The following RNASET2 variants were observed in gnomAD, a reference collection of about 807,000 sequenced individuals.
The protein encoded by RNASET2 is ribonuclease 6.
In RNASET2, 28 loss-of-function variants were observed where a neutral mutation model predicts 33.9. The ratio of observed to expected loss-of-function variants is 0.83; its 90% CI spans 0.61 to 1.13. The LOEUF (loss-of-function observed/expected upper bound fraction) is 1.13. Ranked by LOEUF, RNASET2 falls within the 50% of genes most tolerant of loss-of-function variation. The pLI, the probability that RNASET2 is intolerant of heterozygous loss-of-function variation, is 0.00. For missense variants in RNASET2, 330 were observed against 319.9 expected, an observed-to-expected ratio of 1.03 and a Z score of -0.24; for synonymous variants, 123 against 121.0, an observed-to-expected ratio of 1.02 and a Z score of -0.11.
intron 2 of RNASET2, among the ~76,000 whole-genome samples, chr6:166,950,515 T>C (rs1156453085): frequency 1.3e-5 from 2 of 152,256 alleles, no homozygotes; most frequent in Admixed American, 6.5e-5. Context: ...TACCACTCAG[T>C]GCTAGAGGCA....
At chr6:166,948,777 T>C (rs1778909209) in intron 2 of RNASET2, 152 bp from the exon 3 acceptor site, 1 of 667,922 alleles carries the variant, frequency 1.5e-6, no homozygotes, top group Non-Finnish European at 2.7e-6. Flanking sequence ...CCAGGGCTAC[T>C]TCACAATACA....
chr6:166,955,300 GCA>G (rs1215426195), intron 1 of RNASET2, among the ~76,000 whole-genome samples: 3 of 53,180 alleles, frequency 5.6e-5, no homozygotes, highest in Non-Finnish European at 9.6e-5. Flanking sequence ...GCACAGACGC[GCA>G]CACACGACAC....
chr6:166,952,085 G>A (rs6928890), intron 2 of RNASET2, among the ~76,000 whole-genome samples: 2 of 152,204 alleles, frequency 1.3e-5, no homozygotes, highest in African/African-American at 4.8e-5. Context: ...AGAACACACC[G>A]TGAAGGAGAA....
rs1262797137 is a variant in RNASET2, at chr6:166,955,209, GCA to G, written c.86+886_86+887del. ...CACACGCACACACGCACGCACACAC[GCA>G]CGCACACACGCGCACACACGCACGC... On this transcript the variant is annotated intron_variant, in intron 1 of 8. Coordinates refer to ENST00000508775, the MANE Select transcript of RNASET2 (RefSeq NM_003730.6). 3.5e-3 allele frequency among the ~76,000 whole-genome samples: 276 copies of G among 77,874 alleles called. 2 individuals are homozygous for G. The highest frequency in any genetic ancestry group is 4.4e-3 in the Non-Finnish European group (183 of 41,688). 51.1% of individuals were successfully genotyped at this position (77,874 alleles called of 152,430 possible). A position where few individuals can be genotyped will look rare whatever the true frequency, so the allele number is the denominator to read the frequency against.
chr6:166,938,440 A>T (rs1778617966), intron 6 of RNASET2: 1 of 463,748 alleles, frequency 2.2e-6, no homozygotes, highest in African/African-American at 2.0e-5. Flanking sequence ...GGTTGGGGTC[A>T]TTTCTGGGGC....
intron 2 of RNASET2, among the ~76,000 whole-genome samples, chr6:166,949,974 A>G (rs1327920177): frequency 6.6e-6 from 1 of 152,258 alleles, no homozygotes; most frequent in South Asian, 2.1e-4. Flanking sequence ...ATGGCTGCCC[A>G]GTAGGAAATA....
Position 166,946,726 on chromosome 6 carries a change from CA to C in RNASET2, c.216del (p.Ser72ArgfsTer12). On this transcript the variant is annotated frameshift_variant, in exon 4 of 9. Coordinates refer to ENST00000508775, the MANE Select transcript of RNASET2 (RefSeq NM_003730.6). LOFTEE classifies it high-confidence loss of function. ...WTIHGLWPDK[S>X]EGCNRSWPFN... ...AAGGGCCACGATCTATTACATCCTT[CA>C]CTTTTATCGGGCCTGGAAATTCAAA... The C allele has an allele frequency of 6.4e-7, 1 of 1,567,330 alleles. No individual in the cohort carries two copies. Among genetic ancestry groups the C allele is most frequent in the Non-Finnish European group, 8.7e-7 (1 of 1,148,168 alleles).
Position 166,922,206 on chromosome 6 carries a change from G to C in RNASET2, c.*7382C>G, listed in dbSNP as rs1175797724. Among the ~76,000 whole-genome samples, 1 of 152,082 alleles carries C rather than the reference G, an allele frequency of 6.6e-6. No individual in the cohort carries two copies. Among genetic ancestry groups the C allele is most frequent in the Non-Finnish European group, 1.5e-5 (1 of 68,030 alleles). ...TGATCATGTTTACATGTTTATGTTGGGGACATTATTATAAATGTGAAAGAA... is the reference window on the plus strand; with the variant it reads ...TGATCATGTTTACATGTTTATGTTGCGGACATTATTATAAATGTGAAAGAA... On this transcript the variant is annotated 3_prime_UTR_variant, in exon 9 of 9. Coordinates refer to ENST00000508775, the MANE Select transcript of RNASET2 (RefSeq NM_003730.6).
chr6:166,935,882 C>T (rs1289675049), intron 6 of RNASET2, among the ~76,000 whole-genome samples: 7 of 152,220 alleles, frequency 4.6e-5, no homozygotes, highest in Admixed American at 1.3e-4. Flanking sequence ...ACCATGTTGG[C>T]CAGGCTGTTC....
intron 4 of RNASET2, chr6:166,943,381 G>A (rs566536637): frequency 2.5e-5 from 9 of 366,878 alleles, no homozygotes; most frequent in South Asian, 1.1e-4. Flanking sequence ...CCAATGAGCC[G>A]TCGAGTCATG....
rs1536642 is a variant in RNASET2 at position 166,922,189 on chromosome 6, T to A, written c.*7399A>T. ...CTGCTAAGCATATATGTTGATCATGTTTACATGTTTATGTTGGGGACATTA... is the reference window on the plus strand; with the variant it reads ...CTGCTAAGCATATATGTTGATCATGATTACATGTTTATGTTGGGGACATTA... On this transcript the variant is annotated 3_prime_UTR_variant, in exon 9 of 9. Transcript: ENST00000508775. 0.71 allele frequency among the ~76,000 whole-genome samples: 108,259 copies of A among 152,150 alleles called. 42,128 individuals carry two copies. The highest frequency in any genetic ancestry group is 0.9 in the East Asian group (4,674 of 5,188).
In RNASET2 at chr6:166,955,183, A is replaced by ACACACACACACACGCACACGCACG. The variant is rs1554269946; in HGVS notation, c.86+913_86+914insCGTGCGTGTGCGTGTGTGTGTGTG. Among the ~76,000 whole-genome samples, 2 of 125,006 alleles carry ACACACACACACACGCACACGCACG rather than the reference A, an allele frequency of 1.6e-5. 1 individual carries two copies. The highest frequency in any genetic ancestry group is 7.5e-5 in the African/African-American group (2 of 26,762). The allele number at this position is 125,006 out of a possible 152,430, so 82.0% of individuals were successfully genotyped here. ...ATTAATTTGGGCGGCTGCCACACAC[A>ACACACACACACACGCACACGCACG]CACACGCACACACGCACGCACACAC... On this transcript the variant is annotated intron_variant, in intron 1 of 8. Coordinates refer to ENST00000508775, the MANE Select transcript of RNASET2 (RefSeq NM_003730.6).
intron 4 of RNASET2, among the ~76,000 whole-genome samples, chr6:166,944,598 G>T (rs796493825): frequency 3.9e-5 from 6 of 152,076 alleles, no homozygotes; most frequent in African/African-American, 1.2e-4. Flanking sequence ...CAATGCAAAG[G>T]TGTTCCTACT....
rs1175802992 is a variant in RNASET2, at chr6:166,927,030, G to A, written c.*2558C>T. On this transcript the variant is annotated 3_prime_UTR_variant, in exon 9 of 9. Transcript: ENST00000508775. ...CTCCTCCTTCCACACATACGAGCCTGAGACCCCGCTCACATGGGAGGCATT... is the reference window on the plus strand; with the variant it reads ...CTCCTCCTTCCACACATACGAGCCTAAGACCCCGCTCACATGGGAGGCATT... 6.6e-6 allele frequency among the ~76,000 whole-genome samples: 1 copy of A among 152,184 alleles called. No homozygotes were observed. The highest frequency in any genetic ancestry group is 1.5e-5 in the Non-Finnish European group (1 of 68,024).
In RNASET2 at chr6:166,927,693, CCT is replaced by C. The variant is rs1778328116; in HGVS notation, c.*1893_*1894del. Among the ~76,000 whole-genome samples, 1 of 137,940 alleles carries C rather than the reference CCT, an allele frequency of 7.2e-6. No homozygotes were observed. The highest frequency in any genetic ancestry group is 1.5e-5 in the Non-Finnish European group (1 of 66,000). 90.5% of individuals were successfully genotyped at this position (137,940 alleles called of 152,430 possible). A position where few individuals can be genotyped will look rare whatever the true frequency, so the allele number is the denominator to read the frequency against. On this transcript the variant is annotated 3_prime_UTR_variant, in exon 9 of 9. Coordinates refer to ENST00000508775, the MANE Select transcript of RNASET2 (RefSeq NM_003730.6). The stretch of plus-strand genomic sequence containing the variant: ...TGAAGATAAAACCCAAGCCTTGATC[CCT>C]GTGTTCGCAAAATGACTCAAAAAAA...
At position 166,926,465 on chromosome 6, in the gene RNASET2, CAG is replaced by C. The variant is rs1259719702; in HGVS notation, c.*3121_*3122del. On this transcript the variant is annotated 3_prime_UTR_variant, in exon 9 of 9. Coordinates refer to ENST00000508775, the MANE Select transcript of RNASET2 (RefSeq NM_003730.6). ...AGAAGAATTGCTTGAACCCAGGAGA[CAG>C]AGGTTGCAGTGAGCCGAGATCGCAC... Among the ~76,000 whole-genome samples the C allele has an allele frequency of 6.8e-6, 1 of 146,996 alleles. No homozygotes were observed. The highest frequency in any genetic ancestry group is 2.5e-5 in the African/African-American group (1 of 39,936).
At position 166,943,060 on chromosome 6, in the gene RNASET2, C is replaced by T. The variant is rs367656044; in HGVS notation, c.291G>A (p.Trp97Ter). The T allele has an allele frequency of 2.8e-5, 45 of 1,613,394 alleles. No individual in the cohort carries two copies. Among genetic ancestry groups the T allele is most frequent in the Non-Finnish European group, 3.7e-5 (44 of 1,179,732 alleles). Residue 97 changes from tryptophan (W) to a stop codon, truncating the protein, a stop_gained, in exon 5 of 9, where the codon TGG (tryptophan) becomes TGA (stop). Transcript: ENST00000508775. LOFTEE classifies it high-confidence loss of function. ...TGGGAAACGAGTGAATTACGTCAGGCCAGTATGCCCTCATTTCTGGCAAAA... is the reference window on the plus strand; with the variant it reads ...TGGGAAACGAGTGAATTACGTCAGGTCAGTATGCCCTCATTTCTGGCAAAA... ...KDLLPEMRAY[W>*]PDVIHSFPNR...
At chr6:166,951,136 T>C (rs926913051) in intron 2 of RNASET2, among the ~76,000 whole-genome samples, 8 of 152,200 alleles carry the variant, frequency 5.3e-5, no homozygotes, top group Admixed American at 4.6e-4. Context: ...ACGTGTCCAC[T>C]GGACAGAGGG....
intron 3 of RNASET2, among the ~76,000 whole-genome samples, chr6:166,947,161 C>A (rs1027498704): frequency 6.6e-6 from 1 of 152,102 alleles, no homozygotes; most frequent in East Asian, 1.9e-4. Context: ...CAGCGAGAGT[C>A]TGTTCCTTTC....
Sources: allele counts gnomAD v4.1 joint callset (sites outside exome capture counted in the v4.1 genomes callset), GRCh38; gene constraint gnomAD v4.1.1; transcripts MANE v1.5; gene names NCBI Gene and HGNC (gene_info 2026-07-23, HGNC 2026-07-21).